The following KCNAB2 variants were observed in gnomAD, a reference collection of about 807,000 sequenced individuals.
KCNAB2 encodes the protein potassium voltage-gated channel subfamily A regulatory beta subunit 2.
A neutral mutation model predicts 63.6 loss-of-function variants in KCNAB2; 29 were observed. The ratio of observed to expected loss-of-function variants is 0.46; its 90% CI spans 0.34 to 0.62. The LOEUF (loss-of-function observed/expected upper bound fraction) is 0.62. Among genes scored for constraint, KCNAB2 ranks in the 20% least tolerant of loss-of-function variants. The pLI, the probability that KCNAB2 is intolerant of heterozygous loss-of-function variation, is 0.01. For synonymous variants in KCNAB2, 222 were observed against 224.2 expected (o/e 0.99, Z 0.09); for missense variants, 359 against 563.9 (o/e 0.64, Z 3.68).
rs552703571 is a variant in KCNAB2 at position 6,073,341 on chromosome 1, C to G, written c.263-392C>G. On this transcript the variant is annotated intron_variant, in intron 3 of 15. Transcript: ENST00000378083. The surrounding 1 kb of genome is among the most constrained non-coding windows in gnomAD (Gnocchi z 5.7). Reference sequence around the variant, plus strand: ...CCCACTGCCCTGACACCGCCCTCCCCGCTCTGTCCCAGCAGGAGCACGCAG... The same window carrying G: ...CCCACTGCCCTGACACCGCCCTCCCGGCTCTGTCCCAGCAGGAGCACGCAG... 6.6e-6 allele frequency among the ~76,000 whole-genome samples: 1 copy of G among 152,152 alleles called. No individual in the cohort carries two copies. The highest frequency in any genetic ancestry group is 6.5e-5 in the Admixed American group (1 of 15,272).
At chr1:5,993,612 A>T (rs980505112) in intron 1 of KCNAB2, among the ~76,000 whole-genome samples, 1 of 152,034 alleles carries the variant, frequency 6.6e-6, no homozygotes, top group East Asian at 1.9e-4. Context: ...CACCCCGCCA[A>T]CCAGCCGCAT....
At chr1:6,019,234 G>A (rs1658682675) in intron 1 of KCNAB2, among the ~76,000 whole-genome samples, 1 of 152,212 alleles carries the variant, frequency 6.6e-6, no homozygotes, top group Admixed American at 6.5e-5. Flanking sequence ...CAAGGCTGCA[G>A]TGAGCTGTGA....
At position 5,994,328 on chromosome 1, in the gene KCNAB2, G is replaced by A. The variant is rs542318267; in HGVS notation, c.-53+1540G>A. On this transcript the variant is annotated intron_variant, in intron 1 of 16. Transcript: ENST00000341524. This position sits in a 1 kb window ranked among gnomAD's most constrained non-coding sequence, Gnocchi z 5.4. ...TCTGCCCACCTGATTCTCGCCTGGC[G>A]GCCGTGTCTGCTGCAGAGCCCTGTG... 2.6e-5 allele frequency among the ~76,000 whole-genome samples: 4 copies of A among 152,336 alleles called. No homozygotes were observed. In the East Asian group the frequency reaches 5.8e-4, roughly 22 times the overall value.
intron 2 of KCNAB2, among the ~76,000 whole-genome samples, chr1:6,065,836 G>A (rs1206141555): frequency 1.3e-5 from 2 of 152,204 alleles, no homozygotes; most frequent in East Asian, 1.9e-4. Context: ...CTTCCAGCAG[G>A]TCTTCTGTAC....
In KCNAB2 at chr1:6,084,153, G is replaced by C. The variant is rs575357448; in HGVS notation, c.381-1051G>C. 8.1e-4 allele frequency among the ~76,000 whole-genome samples: 123 copies of C among 152,356 alleles called. 1 individual carries two copies. The highest frequency in any genetic ancestry group is 2.7e-3 in the African/African-American group (113 of 41,580). On this transcript the variant is annotated intron_variant, in intron 5 of 15. Transcript: ENST00000378083. ...GCTTTTATAATTGGAATGTAGCACA[G>C]AGTATGGATCATTCTCCGTCTGTTG...
upstream of KCNAB2, among the ~76,000 whole-genome samples, chr1:6,045,624 C>T (rs1660851900): frequency 6.6e-6 from 1 of 152,208 alleles, no homozygotes; most frequent in African/African-American, 2.4e-5. This position sits in a 1 kb window ranked among gnomAD's most constrained non-coding sequence, Gnocchi z 4.8. Flanking sequence ...CTCCAGACCC[C>T]CTTGGCTGTG....
At chr1:6,060,046 G>A (rs983856633) in intron 2 of KCNAB2, among the ~76,000 whole-genome samples, 7 of 152,200 alleles carry the variant, frequency 4.6e-5, no homozygotes, top group Non-Finnish European at 8.8e-5. Flanking sequence ...CTGTCCCTCC[G>A]TGTCAAGTCT....
At chr1:6,020,014 T>A (rs1170292842) in intron 1 of KCNAB2, among the ~76,000 whole-genome samples, 1 of 152,174 alleles carries the variant, frequency 6.6e-6, no homozygotes, top group Admixed American at 6.5e-5. Context: ...AGTGGGATGA[T>A]CTGCCTAGAG....
intron 1 of KCNAB2, among the ~76,000 whole-genome samples, chr1:5,993,963 T>C (rs977682117): frequency 6.6e-6 from 1 of 152,160 alleles, no homozygotes; most frequent in African/African-American, 2.4e-5. Flanking sequence ...CTGGGGGTTG[T>C]CTTTTCCTCC....
In KCNAB2 at chr1:6,100,188, G is replaced by C. The variant is rs1304027746; in HGVS notation, c.*1614G>C. 1 of 1,181,330 alleles carries C rather than the reference G, an allele frequency of 8.5e-7. No individual in the cohort carries two copies. Among genetic ancestry groups the C allele is most frequent in the African/African-American group, 1.5e-5 (1 of 64,950 alleles). 73.2% of individuals were successfully genotyped at this position (1,181,330 alleles called of 1,614,324 possible). On this transcript the variant is annotated 3_prime_UTR_variant, in exon 16 of 16. Coordinates refer to ENST00000378083, the MANE Select transcript of KCNAB2 (RefSeq NM_001199862.2). ...GGCCAAGGCCTGGGAAACTGTGAAA[G>C]TCAGAAAGGCCAGCGGGGAGAGGCT...
Position 6,074,262 on chromosome 1 carries a change from C to T in KCNAB2, c.300+492C>T, listed in dbSNP as rs530473264. 3.9e-4 allele frequency among the ~76,000 whole-genome samples: 59 copies of T among 152,354 alleles called. No individual in the cohort carries two copies. The highest frequency in any genetic ancestry group is 1.4e-3 in the African/African-American group (58 of 41,582). ...CATCCACTGTCCATTTCCCAGCTGC[C>T]GCGAACCGTGCGGATCGCAGTCAGA... On this transcript the variant is annotated intron_variant, in intron 4 of 15. Transcript: ENST00000378083. The surrounding 1 kb of genome is among the most constrained non-coding windows in gnomAD (Gnocchi z 4.9).
chr1:6,046,912 G>A (rs1248971004), intron 1 of KCNAB2, among the ~76,000 whole-genome samples: 1 of 152,196 alleles, frequency 6.6e-6, no homozygotes, highest in Admixed American at 6.5e-5. Flanking sequence ...GTGAGGTAGT[G>A]ATTCCTACTG....
At chr1:6,061,725 T>C (rs904029035) in intron 2 of KCNAB2, among the ~76,000 whole-genome samples, 1 of 152,230 alleles carries the variant, frequency 6.6e-6, no homozygotes, top group African/African-American at 2.4e-5. Flanking sequence ...TATAACGGAA[T>C]ATAATGTGCA....
At chr1:6,084,618 C>G (rs539371094) in intron 5 of KCNAB2, among the ~76,000 whole-genome samples, 36 of 152,276 alleles carry the variant, frequency 2.4e-4, no homozygotes, top group Non-Finnish European at 4.7e-4. Context: ...GAGTTCGAGA[C>G]CAGCCTGGCC....
At chr1:6,012,966 C>G (rs896577675) in intron 1 of KCNAB2, among the ~76,000 whole-genome samples, 2 of 152,102 alleles carry the variant, frequency 1.3e-5, no homozygotes, top group Non-Finnish European at 2.9e-5. Flanking sequence ...GCAGGCTGCC[C>G]TCTCCCACTG....
chr1:6,033,285 G>A (rs1190055559), upstream of KCNAB2, among the ~76,000 whole-genome samples: 1 of 132,120 alleles, frequency 7.6e-6, no homozygotes, highest in Non-Finnish European at 1.7e-5. Context: ...GTGCGTGTGT[G>A]GGCATGTGGG....
At chr1:6,079,454 G>T (rs184061201) in intron 4 of KCNAB2, among the ~76,000 whole-genome samples, 2 of 152,108 alleles carry the variant, frequency 1.3e-5, no homozygotes, top group South Asian at 2.1e-4. Flanking sequence ...AGGAGGCAAA[G>T]GTTGCAGCGA....
At chr1:6,090,970 T>G (rs1488307825) in intron 9 of KCNAB2, among the ~76,000 whole-genome samples, 1 of 152,236 alleles carries the variant, frequency 6.6e-6, no homozygotes, top group Non-Finnish European at 1.5e-5. Flanking sequence ...TTTTATTCTT[T>G]CTACTCCTGC....
rs564765435 is a variant in KCNAB2, at chr1:5,994,544, C to G, written c.-53+1756C>G. Reference sequence around the variant, plus strand: ...CCCAGGGCCATTTTTTTTTTCCCTGCGCCAGTCAGCAAATGCTTTGTAGGT... The same window carrying G: ...CCCAGGGCCATTTTTTTTTTCCCTGGGCCAGTCAGCAAATGCTTTGTAGGT... On this transcript the variant is annotated intron_variant, in intron 1 of 16. Coordinates refer to the KCNAB2 transcript ENST00000341524. The surrounding 1 kb of genome is among the most constrained non-coding windows in gnomAD (Gnocchi z 5.4). 6.6e-6 allele frequency among the ~76,000 whole-genome samples: 1 copy of G among 152,140 alleles called. No homozygotes were observed. The highest frequency in any genetic ancestry group is 1.9e-4 in the East Asian group (1 of 5,184).
Sources: allele counts gnomAD v4.1 joint callset (sites outside exome capture counted in the v4.1 genomes callset), GRCh38; gene constraint gnomAD v4.1.1; non-coding constraint Gnocchi (gnomAD v3.1); transcripts MANE v1.5; gene names NCBI Gene and HGNC (gene_info 2026-07-23, HGNC 2026-07-21).